The following BTNL8 variants were observed in gnomAD, a reference collection of about 807,000 sequenced individuals.
BTNL8 encodes the protein butyrophilin like 8.
In BTNL8, 22 loss-of-function variants were observed where a neutral mutation model predicts 36.1. The ratio of observed to expected loss-of-function variants is 0.61; its 90% CI spans 0.44 to 0.87. The LOEUF (loss-of-function observed/expected upper bound fraction) is 0.87. Ranked by LOEUF, BTNL8 falls within the 40% of genes least tolerant of loss-of-function variation. BTNL8 has a pLI of 0.00. For missense variants in BTNL8, 526 were observed against 616.9 expected (o/e 0.85, Z 1.56); for synonymous variants, 203 against 235.6 (o/e 0.86, Z 1.27).
At chr5:180,942,362 C>G (rs754567196) in intron 3 of BTNL8, among the ~76,000 whole-genome samples, 16 of 152,152 alleles carry the variant, frequency 1.1e-4, no homozygotes, top group Non-Finnish European at 2.1e-4. Flanking sequence ...AATGACCACA[C>G]TACCCAAAGT....
intron 4 of BTNL8, chr5:180,948,012 T>C (rs568906420): frequency 8.9e-5 from 60 of 674,692 alleles, no homozygotes; most frequent in Non-Finnish European, 1.3e-4. Context: ...CAATAAGACT[T>C]TTCACCCCCA....
At chr5:180,937,056 A>C (rs925535870) in intron 3 of BTNL8, among the ~76,000 whole-genome samples, 2 of 152,176 alleles carry the variant, frequency 1.3e-5, no homozygotes, top group African/African-American at 4.8e-5. Context: ...GAGTGACTAC[A>C]TGCTGCACGC....
intron 3 of BTNL8, among the ~76,000 whole-genome samples, chr5:180,941,916 T>TTTTTTTTTTGAGACGGAGTCTCGC (rs1172840637): frequency 2.0e-5 from 3 of 150,642 alleles, no homozygotes; most frequent in African/African-American, 7.4e-5. Flanking sequence ...ACTACTCTTA[T>TTTTTTTTTTGAGACGGAGTCTCGC]TCAACAAAGT....
chr5:180,936,763 G>T (rs1463741069), intron 3 of BTNL8, among the ~76,000 whole-genome samples: 1 of 152,204 alleles, frequency 6.6e-6, no homozygotes, highest in Non-Finnish European at 1.5e-5. Flanking sequence ...CTGACCACTT[G>T]ATTGGTGGAG....
At position 180,900,050 on chromosome 5, in the gene BTNL8, T is replaced by C. The variant is rs772293376; in HGVS notation, c.49+691T>C. 2.7e-4 allele frequency among the ~76,000 whole-genome samples: 41 copies of C among 152,182 alleles called. 1 individual carries two copies. The highest frequency in any genetic ancestry group is 4.1e-4 in the Non-Finnish European group (28 of 68,028). ...TCATCCTGCCACCTGTCCACCTATATCTTTTTTGCTAAATGAAGCTAAGAA... is the reference window on the plus strand; with the variant it reads ...TCATCCTGCCACCTGTCCACCTATACCTTTTTTGCTAAATGAAGCTAAGAA... On this transcript the variant is annotated intron_variant, in intron 1 of 7. Transcript: ENST00000340184.
At chr5:180,906,951 T>G (rs2113771082) in intron 1 of BTNL8, among the ~76,000 whole-genome samples, 1 of 84,190 alleles carries the variant, frequency 1.2e-5, no homozygotes, top group South Asian at 3.3e-4. Context: ...TGGCTGCCCT[T>G]AACATTTTTT....
chr5:180,909,533 A>G, intron 2 of BTNL8: 1 of 986,306 alleles, frequency 1.0e-6, no homozygotes, highest in Non-Finnish European at 1.2e-6. Flanking sequence ...CAGTTGCTCA[A>G]TGCTCTGTGT....
chr5:180,927,310 A>G (rs1166264633), intron 3 of BTNL8, among the ~76,000 whole-genome samples: 1 of 152,238 alleles, frequency 6.6e-6, no homozygotes, highest in African/African-American at 2.4e-5. Flanking sequence ...GTCCACACAG[A>G]AACCCCATTC....
chr5:180,921,445 C>A (rs769859389), intron 3 of BTNL8, among the ~76,000 whole-genome samples: 12 of 151,912 alleles, frequency 7.9e-5, no homozygotes, highest in Non-Finnish European at 1.5e-4. Context: ...AATCTAAAAT[C>A]ATCAGTCATA....
chr5:180,930,033 T>C (rs1194124388), intron 3 of BTNL8, among the ~76,000 whole-genome samples: 2 of 152,212 alleles, frequency 1.3e-5, no homozygotes, highest in Non-Finnish European at 2.9e-5. Context: ...TTCAGGCCAA[T>C]ATTCCTGATA....
At chr5:180,941,114 AAGGAAGGAAG>A (rs1561945303) in intron 3 of BTNL8, among the ~76,000 whole-genome samples, 2 of 79,668 alleles carry the variant, frequency 2.5e-5, no homozygotes, top group Non-Finnish European at 3.1e-5. Context: ...GGAAGGGAGG[AAGGAAGGAAG>A]GAAGGAAGGA....
At chr5:180,943,250 T>G (rs923685054) in intron 3 of BTNL8, among the ~76,000 whole-genome samples, 3 of 148,512 alleles carry the variant, frequency 2.0e-5, no homozygotes, top group Non-Finnish European at 4.4e-5. Context: ...TTCTCCTGCC[T>G]CAGCCTCCCG....
chr5:180,944,274 A>G (rs945991451), intron 3 of BTNL8, among the ~76,000 whole-genome samples: 3 of 152,346 alleles, frequency 2.0e-5, no homozygotes, highest in Admixed American at 1.3e-4. Context: ...CAAAGTGACT[A>G]TAGTTAACAA....
chr5:180,934,190 C>T (rs1758533747), intron 3 of BTNL8, among the ~76,000 whole-genome samples: 1 of 152,164 alleles, frequency 6.6e-6, no homozygotes, highest in African/African-American at 2.4e-5. Flanking sequence ...GGATAAAAAT[C>T]ATATGATAAT....
intron 3 of BTNL8, among the ~76,000 whole-genome samples, chr5:180,912,857 G>C (rs1342019635): frequency 6.6e-6 from 1 of 152,110 alleles, no homozygotes; most frequent in East Asian, 1.9e-4. Context: ...GAGATTGGCT[G>C]GTTGCTCCTA....
intron 3 of BTNL8, among the ~76,000 whole-genome samples, chr5:180,918,494 C>T (rs1447929937): frequency 3.9e-5 from 6 of 152,084 alleles, no homozygotes; most frequent in Admixed American, 3.9e-4. Context: ...GACTAGGTAA[C>T]AAAAGAATGT....
chr5:180,925,984 T>C (rs780965035), intron 3 of BTNL8, among the ~76,000 whole-genome samples: 14 of 149,140 alleles, frequency 9.4e-5, no homozygotes, highest in Non-Finnish European at 1.5e-4. Context: ...ATTTTGTGTA[T>C]GCCTCATGGT....
chr5:180,942,408 C>T (rs1759031485), intron 3 of BTNL8, among the ~76,000 whole-genome samples: 3 of 152,106 alleles, frequency 2.0e-5, no homozygotes, highest in Admixed American at 2.0e-4. Context: ...ATCAAAATAC[C>T]AATGACATTC....
intron 3 of BTNL8, among the ~76,000 whole-genome samples, chr5:180,921,083 T>C (rs1757842338): frequency 6.6e-6 from 1 of 152,060 alleles, no homozygotes; most frequent in Non-Finnish European, 1.5e-5. Context: ...CACAAAAAAC[T>C]GTTAGAGCTA....
Sources: gnomAD v4.1 joint callset for allele counts (sites outside exome capture counted in the v4.1 genomes callset) on GRCh38, gnomAD v4.1.1 for gene constraint, MANE v1.5 for transcripts, NCBI Gene and HGNC (gene_info 2026-07-23, HGNC 2026-07-21) for gene names.